Variants in GABRD observed in about 807,000 individuals in gnomAD.
The protein encoded by GABRD is gamma-aminobutyric acid receptor subunit delta.
GABRD carries 25 observed loss-of-function variants against 47.3 expected under a neutral mutation model. The observed-to-expected ratio is 0.53, with a 90% CI of 0.39 to 0.74. GABRD has a LOEUF of 0.74. Among genes scored for constraint, GABRD ranks in the 30% least tolerant of loss-of-function variants. The pLI is 0.00. For missense variants in GABRD, 497 were observed against 643.4 expected, an observed-to-expected ratio of 0.77 and a Z score of 2.46; for synonymous variants, 314 against 278.8, an observed-to-expected ratio of 1.13 and a Z score of -1.26.
chr1:2,025,471 TG>T, intron 3 of GABRD, 46 bp from the exon 4 acceptor site: 1 of 1,609,868 alleles, frequency 6.2e-7, no homozygotes, highest in South Asian at 1.1e-5. Flanking sequence ...TGCATGCCCC[TG>T]GGGGTGGAGC....
At position 2,029,250 on chromosome 1, in the gene GABRD, C is replaced by T. The variant is rs148120771; in HGVS notation, c.831C>T (p.Pro277=). The change falls in exon 7 of 9, where the codon CCC becomes CCT. Residue 277 remains proline (P), a synonymous_variant. Transcript: ENST00000378585. ...VSFWISQAAV[P]ARVSLGITTV... is the part of the protein sequence containing the mutation. ...TCTGGATCAGCCAGGCGGCGGTGCC[C>T]GCCAGGGTGTCTCTAGGTACGGGGC... 1.7e-4 allele frequency: 261 copies of T among 1,563,878 alleles called. 2 individuals are homozygous for T. In the African/African-American group the frequency reaches 3.2e-3, roughly 19 times the overall value.
At chr1:2,022,944 C>G (rs1416605548) in intron 1 of GABRD, among the ~76,000 whole-genome samples, 3 of 152,188 alleles carry the variant, frequency 2.0e-5, no homozygotes, top group Non-Finnish European at 2.9e-5. Context: ...GTGTGTAAAA[C>G]AAGAAGAAAA....
intron 1 of GABRD, among the ~76,000 whole-genome samples, chr1:2,020,173 C>T (rs75232682): frequency 6.6e-6 from 1 of 152,206 alleles, no homozygotes; most frequent in Non-Finnish European, 1.5e-5. Context: ...GGAGGCCCCC[C>T]GGGGCTGGAG....
intron 4 of GABRD, chr1:2,026,520 T>A (rs1658933351): frequency 6.6e-6 from 1 of 152,220 alleles, no homozygotes; most frequent in Non-Finnish European, 1.5e-5. Context: ...AAGATGGAAT[T>A]AGTTCATGAC....
intron 4 of GABRD, among the ~76,000 whole-genome samples, chr1:2,026,251 G>T (rs1295483964): frequency 6.6e-6 from 1 of 152,170 alleles, no homozygotes; most frequent in South Asian, 2.1e-4. Context: ...CACATGCTGT[G>T]TGTGGGACCC....
chr1:2,024,018 T>A (rs1224567310), intron 1 of GABRD: 1 of 152,356 alleles, frequency 6.6e-6, no homozygotes, highest in Non-Finnish European at 1.5e-5. Flanking sequence ...AATCTCTGCC[T>A]CCTCTGTCCC....
chr1:2,019,821 T>C (rs1160922850), intron 1 of GABRD, among the ~76,000 whole-genome samples: 1 of 151,946 alleles, frequency 6.6e-6, no homozygotes, highest in Non-Finnish European at 1.5e-5. Context: ...GGTCCCCGGG[T>C]CCGCGGCACT....
In GABRD at chr1:2,029,920, T is replaced by C. The variant is rs1476968548; in HGVS notation, c.1060-63T>C. The C allele has an allele frequency of 1.1e-5, 18 of 1,591,472 alleles. No individual in the cohort carries two copies. The Admixed American group carries it at 3.1e-4, about 27-fold the overall frequency. The stretch of plus-strand genomic sequence containing the variant: ...GGCCCCCGCATGGGAACACCTGTGG[T>C]CCAGGGCCCTGGGAGCTGCACCCCA... On this transcript the variant is annotated intron_variant, in intron 8 of 8. Coordinates refer to ENST00000378585, the MANE Select transcript of GABRD (RefSeq NM_000815.5).
rs575687090 is a variant in GABRD at position 2,027,088 on chromosome 1, G to A, written c.471-489G>A. The A allele has an allele frequency of 1.4e-3, 305 of 218,458 alleles. 1 individual carries two copies. Among genetic ancestry groups the A allele is most frequent in the African/African-American group, 7.0e-3 (298 of 42,460 alleles). The allele number at this position is 218,458 out of a possible 1,614,324, so 13.5% of individuals were successfully genotyped here. ...GGGAGGATTACCCACCTCAAGCCCCGGGGGGTTGAGGCTGTAGTGAGTCAA... is the reference window on the plus strand; with the variant it reads ...GGGAGGATTACCCACCTCAAGCCCCAGGGGGTTGAGGCTGTAGTGAGTCAA... On this transcript the variant is annotated intron_variant, in intron 4 of 8. Transcript: ENST00000378585.
chr1:2,022,782 T>A (rs1271020397), intron 1 of GABRD, among the ~76,000 whole-genome samples: 1 of 151,832 alleles, frequency 6.6e-6, no homozygotes, highest in Non-Finnish European at 1.5e-5. Context: ...GGGCGCGGGG[T>A]CCTGGGTCTG....
At position 2,029,085 on chromosome 1, in the gene GABRD, G is replaced by A. The variant is rs1659010760; in HGVS notation, c.692-26G>A. ...TTGGGCTGGGCTGGGCAGGGATGGGGGCACTGACGGTGGCTGTCCTGGCAG... is the reference window on the plus strand; with the variant it reads ...TTGGGCTGGGCTGGGCAGGGATGGGAGCACTGACGGTGGCTGTCCTGGCAG... On this transcript the variant is annotated intron_variant, in intron 6 of 8. Coordinates refer to ENST00000378585, the MANE Select transcript of GABRD (RefSeq NM_000815.5). 2.6e-6 allele frequency: 4 copies of A among 1,538,128 alleles called. No homozygotes were observed. The South Asian group carries it at 4.8e-5, about 18-fold the overall frequency.
At chr1:2,024,145 C>T (rs1310899616) in intron 1 of GABRD, 1 of 152,298 alleles carries the variant, frequency 6.6e-6, no homozygotes, top group African/African-American at 2.4e-5. Context: ...CCCAAATAAG[C>T]TCACATTCTG....
chr1:2,021,926 GT>G (rs1658791004), intron 1 of GABRD, among the ~76,000 whole-genome samples: 1 of 152,174 alleles, frequency 6.6e-6, no homozygotes. Flanking sequence ...GGATGGGTTT[GT>G]TTTTCAGTGG....
Position 2,028,266 on chromosome 1 carries a change from C to T in GABRD, c.665C>T (p.Thr222Ile), listed in dbSNP as rs1389849476. ...AQFTITSYRF[T>I]TELMNFKSAG... ...TTCACCATCACCAGCTACCGCTTCA[C>T]CACGGAGCTGATGAACTTCAAGTCC... The change falls in exon 6 of 9, where the codon ACC (threonine) becomes ATC (isoleucine). Residue 222 changes from threonine (T) to isoleucine (I), a missense_variant. By Grantham distance (89) the Thr-to-Ile change is moderately conservative. Coordinates refer to ENST00000378585, the MANE Select transcript of GABRD (RefSeq NM_000815.5). The surrounding 1 kb of genome is among the most constrained non-coding windows in gnomAD (Gnocchi z 6.4). 2 of 1,612,016 alleles carry T rather than the reference C, an allele frequency of 1.2e-6. No homozygotes were observed. The highest frequency in any genetic ancestry group is 1.7e-6 in the Non-Finnish European group (2 of 1,179,646).
rs375946494 is a variant in GABRD, at chr1:2,027,989, C to T, written c.554-166C>T. ...CATCCACCTGCCCGGAGGAGCCCGA[C>T]GTGGTCCCAGAGCCGAAGGTCTCCT... On this transcript the variant is annotated intron_variant, in intron 5 of 8. Coordinates refer to ENST00000378585, the MANE Select transcript of GABRD (RefSeq NM_000815.5). 4.3e-3 allele frequency: 3,177 copies of T among 734,922 alleles called. 16 individuals carry two copies. Among genetic ancestry groups the T allele is most frequent in the Non-Finnish European group, 4.6e-3 (2,092 of 455,186 alleles). 45.5% of individuals were successfully genotyped at this position (734,922 alleles called of 1,614,324 possible).
rs764113441 is a variant in GABRD, at chr1:2,025,541, G to A, written c.273G>A (p.Leu91=). The stretch of plus-strand genomic sequence containing the variant: ...AGGAGTACACCATGACGGTGTTCCT[G>A]CACCAGAGCTGGCGGGACAGCAGGC... The part of the protein sequence containing the change: ...ANMEYTMTVF[L]HQSWRDSRLS... Residue 91 remains leucine, a synonymous_variant, in exon 4 of 9, where the codon CTG becomes CTA. Coordinates refer to ENST00000378585, the MANE Select transcript of GABRD (RefSeq NM_000815.5). The A allele has an allele frequency of 8.1e-6, 13 of 1,612,956 alleles. No individual in the cohort carries two copies. The highest frequency in any genetic ancestry group is 1.1e-5 in the Non-Finnish European group (13 of 1,180,008).
intron 1 of GABRD, 47 bp downstream of exon 1, chr1:2,019,538 G>T: frequency 9.5e-7 from 1 of 1,056,688 alleles, no homozygotes; most frequent in Non-Finnish European, 1.2e-6. Context: ...GCGGTGGGGG[G>T]CCCGCGTCGG....
At chr1:2,023,586 G>A (rs980996628) in intron 1 of GABRD, 1 of 152,356 alleles carries the variant, frequency 6.6e-6, no homozygotes, top group Non-Finnish European at 1.5e-5. Flanking sequence ...TATCTGAACT[G>A]GGGTCAAATC....
Position 2,019,480 on chromosome 1 carries a change from C to T in GABRD, c.57C>T (p.Leu19=). ...TCCTGCTCCTCTGCGCGCAGCAGCT[C>T]CGCGGCACCAGGTGAGCGGGCGGGG... is the stretch of plus-strand genomic sequence containing the variant. ...APLLLLCAQQ[L]RGTRAMNDIG... is the part of the protein sequence containing the mutation. Residue 19 remains leucine (L), a synonymous_variant, in exon 1 of 9, where the codon CTC becomes CTT. Coordinates refer to ENST00000378585, the MANE Select transcript of GABRD (RefSeq NM_000815.5). The T allele has an allele frequency of 9.0e-7, 1 of 1,110,510 alleles. No homozygotes were observed. The highest frequency in any genetic ancestry group is 1.1e-6 in the Non-Finnish European group (1 of 912,430). 68.8% of individuals were successfully genotyped at this position (1,110,510 alleles called of 1,614,324 possible).
Sources: allele counts gnomAD v4.1 joint callset (sites outside exome capture counted in the v4.1 genomes callset), GRCh38; gene constraint gnomAD v4.1.1; non-coding constraint Gnocchi (gnomAD v3.1); transcripts MANE v1.5; gene names NCBI Gene and HGNC (gene_info 2026-07-23, HGNC 2026-07-21).